The following SKI variants were observed in gnomAD, a reference collection of about 807,000 sequenced individuals.
The protein encoded by SKI is ski oncogene.
A neutral mutation model predicts 59.3 loss-of-function variants in SKI; 23 were observed. That is an observed-to-expected ratio of 0.39 (90% CI 0.28 to 0.55). The LOEUF (loss-of-function observed/expected upper bound fraction) is 0.55, where lower values mean the gene tolerates loss of function less well. Among genes scored for constraint, SKI ranks in the 20% least tolerant of loss-of-function variants. SKI has a pLI of 0.67. For missense variants in SKI, 1,017 were observed against 1,038.9 expected (o/e 0.98, Z 0.29); for synonymous variants, 673 against 488.6 (o/e 1.38, Z -4.98).
intron 1 of SKI, among the ~76,000 whole-genome samples, chr1:2,260,767 T>C (rs1303370811): frequency 6.6e-6 from 1 of 152,018 alleles, no homozygotes; most frequent in Admixed American, 6.6e-5. Context: ...TTGCGAACTC[T>C]AGCTCAAATG....
chr1:2,306,206 A>C lies in SKI; in HGVS notation c.1954A>C (p.Lys652Gln). 6.3e-7 allele frequency: 1 copy of C among 1,578,478 alleles called. No homozygotes were observed. Among genetic ancestry groups the C allele is most frequent in the South Asian group, 1.2e-5 (1 of 86,732 alleles). ...GGCGCGGCAGGCCCGGGTGTGCGAC[A>C]AGGGCTGCGAGGCGGGCCGCCTGCG... ...EQARQARVCD[K>Q]GCEAGRLRAK... Residue 652 changes from lysine (K) to glutamine (Q), a missense_variant, in exon 6 of 7, where the codon AAG (lysine) becomes CAG (glutamine). By Grantham distance (53) the Lys-to-Gln change is moderately conservative. Transcript: ENST00000378536.
chr1:2,235,466 T>A (rs956794721), intron 1 of SKI, among the ~76,000 whole-genome samples: 1 of 152,226 alleles, frequency 6.6e-6, no homozygotes, highest in Non-Finnish European at 1.5e-5. Flanking sequence ...CCATGCCAGG[T>A]GACCCTCAGG....
At chr1:2,277,965 G>A (rs1379841889) in intron 1 of SKI, among the ~76,000 whole-genome samples, 2 of 151,322 alleles carry the variant, frequency 1.3e-5, no homozygotes, top group Non-Finnish European at 2.9e-5. Flanking sequence ...ACACGTGCAC[G>A]CACACATCAG....
intron 1 of SKI, among the ~76,000 whole-genome samples, chr1:2,260,883 C>G (rs1639375038): frequency 6.6e-6 from 1 of 152,156 alleles, no homozygotes; most frequent in African/African-American, 2.4e-5. Context: ...TAGCTGGGAA[C>G]TTTGTCCCTA....
chr1:2,255,871 C>A (rs1557823307), intron 1 of SKI, among the ~76,000 whole-genome samples: 1 of 151,394 alleles, frequency 6.6e-6, no homozygotes, highest in Non-Finnish European at 1.5e-5. Flanking sequence ...ATTGCATTTC[C>A]TCTCTGGAGC....
At chr1:2,297,550 G>A (rs970605093) in intron 1 of SKI, among the ~76,000 whole-genome samples, 3 of 152,246 alleles carry the variant, frequency 2.0e-5, no homozygotes, top group Non-Finnish European at 2.9e-5. Context: ...GTGGACTGTG[G>A]CTGGCAGCTT....
intron 5 of SKI, 36 bp from the exon 6 acceptor site, chr1:2,305,984 G>T (rs1640563098): frequency 6.7e-7 from 1 of 1,486,624 alleles, no homozygotes. Context: ...GCTGGGACCG[G>T]CTGGGCAGTG....
At position 2,308,932 on chromosome 1, in the gene SKI, C is replaced by T. The variant is rs1640671005; in HGVS notation, c.*2167C>T. On this transcript the variant is annotated 3_prime_UTR_variant, in exon 7 of 7. Transcript: ENST00000378536. The stretch of plus-strand genomic sequence containing the variant: ...AAAGCGCTGTATCTGCAGTGGCAGC[C>T]CTTCCCCACTTCGGCTCTGGGAGGG... 6.6e-6 allele frequency: 1 copy of T among 152,362 alleles called. No homozygotes were observed. Among genetic ancestry groups the T allele is most frequent in the African/African-American group, 2.4e-5 (1 of 41,444 alleles). The allele number at this position is 152,362 out of a possible 1,614,324, so 9.4% of individuals were successfully genotyped here.
At chr1:2,304,808 C>G (rs1377235008) in intron 5 of SKI, among the ~76,000 whole-genome samples, 1 of 152,262 alleles carries the variant, frequency 6.6e-6, no homozygotes, top group Non-Finnish European at 1.5e-5. Flanking sequence ...TGATGGACAT[C>G]CCAGGAGGCC....
Position 2,229,003 on chromosome 1 carries a change from C to T in SKI, c.237C>T (p.Ile79=), listed in dbSNP as rs1288618920. The change falls in exon 1 of 7, where the codon ATC becomes ATT. Residue 79 remains isoleucine, a synonymous_variant. Transcript: ENST00000378536. The surrounding 1 kb of genome is among the most constrained non-coding windows in gnomAD (Gnocchi z 6.3). ...CGCCCGTGCTGCACCTGCCCGCCATCCAGCCGCCGCCGCCCGTGCTGCCCG... is the reference window on the plus strand; with the variant it reads ...CGCCCGTGCTGCACCTGCCCGCCATTCAGCCGCCGCCGCCCGTGCTGCCCG... ...EPPPVLHLPA[I]QPPPPVLPGP... is the part of the protein sequence containing the mutation. 2.6e-6 allele frequency: 4 copies of T among 1,568,360 alleles called. No homozygotes were observed. The highest frequency in any genetic ancestry group is 4.7e-5 in the East Asian group (2 of 42,424).
chr1:2,241,706 T>C (rs1462939314), intron 1 of SKI, among the ~76,000 whole-genome samples: 3 of 152,204 alleles, frequency 2.0e-5, no homozygotes, highest in African/African-American at 7.2e-5. Context: ...ACTGTAATTT[T>C]TTGAAGCAAA....
intron 1 of SKI, among the ~76,000 whole-genome samples, chr1:2,272,124 GC>G (rs1052993312): frequency 2.0e-5 from 3 of 152,210 alleles, no homozygotes; most frequent in African/African-American, 7.2e-5. Context: ...AAAGGTCACT[GC>G]CCCGATTTTT....
intron 1 of SKI, among the ~76,000 whole-genome samples, chr1:2,248,984 T>C (rs1203426920): frequency 6.6e-6 from 1 of 152,256 alleles, no homozygotes; most frequent in East Asian, 1.9e-4. Flanking sequence ...GCACGGGGAC[T>C]GTGCCCACAG....
chr1:2,306,591 G>A lies in SKI; in HGVS notation c.2013G>A (p.Gln671=), dbSNP rs1040803635. The part of the protein sequence containing the change: ...AKYSAQIEDL[Q]VKLQHAEADR... ...CTCCCTTTCAGATCGAAGACCTGCAGGTGAAGCTGCAGCACGCGGAGGCGG... is the reference window on the plus strand; with the variant it reads ...CTCCCTTTCAGATCGAAGACCTGCAAGTGAAGCTGCAGCACGCGGAGGCGG... Residue 671 remains glutamine, a synonymous_variant, in exon 7 of 7, where the codon CAG becomes CAA. Coordinates refer to ENST00000378536, the MANE Select transcript of SKI (RefSeq NM_003036.4). 28 of 1,543,306 alleles carry A rather than the reference G, an allele frequency of 1.8e-5. No homozygotes were observed. The highest frequency in any genetic ancestry group is 2.4e-5 in the Non-Finnish European group (28 of 1,145,572).
rs1251514949 is a variant in SKI, at chr1:2,307,306, G to C, written c.*541G>C. On this transcript the variant is annotated 3_prime_UTR_variant, in exon 7 of 7. Transcript: ENST00000378536. ...CGACAAGGACCCAGGTCTTCCTGCTGCTGCCAGGGAGAGCAGGGACAGTGC... is the reference window on the plus strand; with the variant it reads ...CGACAAGGACCCAGGTCTTCCTGCTCCTGCCAGGGAGAGCAGGGACAGTGC... 6.6e-6 allele frequency: 1 copy of C among 152,564 alleles called. No individual in the cohort carries two copies. Among genetic ancestry groups the C allele is most frequent in the Non-Finnish European group, 1.5e-5 (1 of 68,192 alleles). The allele number at this position is 152,564 out of a possible 1,614,324, so 9.5% of individuals were successfully genotyped here.
chr1:2,280,630 GCGGCGA>G (rs1451195425), intron 1 of SKI, among the ~76,000 whole-genome samples: 1 of 144,198 alleles, frequency 6.9e-6, no homozygotes, highest in Non-Finnish European at 1.5e-5. Flanking sequence ...ACAGGCGGCG[GCGGCGA>G]TCTTCAGAGA....
chr1:2,253,224 G>A (rs1284575603), intron 1 of SKI, among the ~76,000 whole-genome samples: 1 of 152,192 alleles, frequency 6.6e-6, no homozygotes, highest in African/African-American at 2.4e-5. Context: ...GGAGTCTGGA[G>A]CACCCAGGCC....
intron 1 of SKI, among the ~76,000 whole-genome samples, chr1:2,278,203 C>T (rs1208768676): frequency 6.6e-6 from 1 of 152,192 alleles, no homozygotes; most frequent in African/African-American, 2.4e-5. Context: ...GGTCTCTGTG[C>T]CCCACCCATC....
intron 5 of SKI, among the ~76,000 whole-genome samples, chr1:2,305,147 C>T (rs967534314): frequency 6.6e-6 from 1 of 152,206 alleles, no homozygotes; most frequent in African/African-American, 2.4e-5. Context: ...ACACACACAC[C>T]CACCTGCACA....
Sources: allele counts gnomAD v4.1 joint callset (sites outside exome capture counted in the v4.1 genomes callset), GRCh38; gene constraint gnomAD v4.1.1; non-coding constraint Gnocchi (gnomAD v3.1); transcripts MANE v1.5; gene names NCBI Gene and HGNC (gene_info 2026-07-23, HGNC 2026-07-21).